The following PLCG2 variants were observed in gnomAD, a reference collection of about 807,000 sequenced individuals.
PLCG2 encodes phospholipase C gamma 2.
A neutral mutation model predicts 175.6 loss-of-function variants in PLCG2; 69 were observed. That is an observed-to-expected ratio of 0.39 (90% CI 0.32 to 0.48). PLCG2 has a LOEUF of 0.48. PLCG2 is among the 20% of genes least tolerant of loss of function. The pLI is 0.91. For synonymous variants in PLCG2, 827 were observed against 624.0 expected (o/e 1.33, Z -4.85); for missense variants, 1,798 against 1,650.9 (o/e 1.09, Z -1.54).
rs1909439451 is a variant in PLCG2, at chr16:81,907,760, G to A, written c.1543G>A (p.Glu515Lys). The change falls in exon 16 of 33, where the codon GAG becomes AAG. Residue 515 changes from glutamate (E) to lysine (K), a missense_variant. By Grantham distance (56) the Glu-to-Lys change is moderately conservative. Coordinates refer to ENST00000564138, the MANE Select transcript of PLCG2 (RefSeq NM_002661.5). ...TGATGACATTGAACAGACTATGGAG[G>A]AGGAAGTGCCCCAGGTAGGGGGACA... ...FSDDIEQTME[E>K]EVPQDIPPTE... The A allele has an allele frequency of 6.2e-7, 1 of 1,613,374 alleles. No homozygotes were observed. Among genetic ancestry groups the A allele is most frequent in the Non-Finnish European group, 8.5e-7 (1 of 1,179,520 alleles).
Position 81,961,598 on chromosome 16 carries a change from C to A in PLCG2, c.*3600C>A, listed in dbSNP as rs993739929. ...GAGAAGTGGTATGAAAATACAAATT[C>A]AAGGAGTAAAAGGAAAAGTGGGGCA... On this transcript the variant is annotated 3_prime_UTR_variant, in exon 33 of 33. Coordinates refer to ENST00000564138, the MANE Select transcript of PLCG2 (RefSeq NM_002661.5). 13 of 215,878 alleles carry A rather than the reference C, an allele frequency of 6.0e-5. No homozygotes were observed. Among genetic ancestry groups the A allele is most frequent in the African/African-American group, 2.9e-4 (13 of 44,364 alleles). The allele number at this position is 215,878 out of a possible 1,614,324, so 13.4% of individuals were successfully genotyped here.
chr16:81,898,905 C>A (rs1166671778), intron 13 of PLCG2, among the ~76,000 whole-genome samples: 1 of 152,132 alleles, frequency 6.6e-6, no homozygotes, highest in Non-Finnish European at 1.5e-5. Context: ...CAAATATAGG[C>A]TGGGCACAGT....
At position 81,956,848 on chromosome 16, in the gene PLCG2, C is replaced by T; in HGVS notation, c.3724C>T (p.Leu1242Phe). 1.2e-6 allele frequency: 2 copies of T among 1,614,022 alleles called. No individual in the cohort carries two copies. Among genetic ancestry groups the T allele is most frequent in the Non-Finnish European group, 1.7e-6 (2 of 1,179,912 alleles). ...VKEFSVNENQ[L>F]QLYQEKCNKR... Reference sequence around the variant, plus strand: ...AGAGTTCAGTGTTAATGAGAACCAGCTCCAGCTGTACCAGGAGAAATGCAA... The same window carrying T: ...AGAGTTCAGTGTTAATGAGAACCAGTTCCAGCTGTACCAGGAGAAATGCAA... Residue 1242 changes from leucine to phenylalanine, a missense_variant, in exon 32 of 33, where the codon CTC becomes TTC. Leu to Phe is a conservative substitution (Grantham distance 22). Coordinates refer to ENST00000564138, the MANE Select transcript of PLCG2 (RefSeq NM_002661.5).
chr16:81,778,039 A>ACAAAAC (rs777309038), upstream of PLCG2, among the ~76,000 whole-genome samples: 656 of 80,252 alleles, frequency 8.2e-3, 42 homozygotes, highest in East Asian at 0.016. Flanking sequence ...AAACAAAAAA[A>ACAAAAC]AAACAAAAAA....
chr16:81,905,527 C>G lies in PLCG2; in HGVS notation c.1467+20C>G, dbSNP rs370477719. The G allele has an allele frequency of 1.3e-6, 2 of 1,559,132 alleles. No individual in the cohort carries two copies. Among genetic ancestry groups the G allele is most frequent in the Non-Finnish European group, 1.8e-6 (2 of 1,130,348 alleles). ...GACCAGGTGGGCCTTGGTCCCTTCC[C>G]GTAGCCACTGCGGCCACGCCCCTTG... On this transcript the variant is annotated intron_variant, in intron 15 of 32. Transcript: ENST00000564138.
chr16:81,868,694 A>C (rs952804531), intron 5 of PLCG2, among the ~76,000 whole-genome samples: 1 of 152,212 alleles, frequency 6.6e-6, no homozygotes, highest in African/African-American at 2.4e-5. Flanking sequence ...TCATGTCAAC[A>C]CCTATATTGG....
intron 9 of PLCG2, among the ~76,000 whole-genome samples, chr16:81,888,205 G>T (rs1398909765): frequency 1.3e-5 from 2 of 152,126 alleles, no homozygotes; most frequent in African/African-American, 4.8e-5. Flanking sequence ...AAGCTGCCAC[G>T]GTCAGAGTAC....
chr16:81,807,475 A>G (rs1299350103), intron 2 of PLCG2, among the ~76,000 whole-genome samples: 1 of 152,222 alleles, frequency 6.6e-6, no homozygotes, highest in Admixed American at 6.5e-5. Context: ...AAGCCCCCAC[A>G]TCGTCATCAT....
At chr16:81,842,005 G>C in intron 2 of PLCG2, among the ~76,000 whole-genome samples, 1 of 152,182 alleles carries the variant, frequency 6.6e-6, no homozygotes, top group Middle Eastern at 3.2e-3. Context: ...AGCCCTCCTG[G>C]GGCCACGTGA....
intron 2 of PLCG2, among the ~76,000 whole-genome samples, chr16:81,809,494 C>T (rs1167111714): frequency 6.6e-6 from 1 of 152,170 alleles, no homozygotes; most frequent in Non-Finnish European, 1.5e-5. Flanking sequence ...CCCTGTCCAC[C>T]ACCCCATTCC....
At chr16:81,815,998 G>A (rs575472740) in intron 2 of PLCG2, among the ~76,000 whole-genome samples, 1 of 151,418 alleles carries the variant, frequency 6.6e-6, no homozygotes, top group African/African-American at 2.4e-5. Flanking sequence ...GGAGGTGGAG[G>A]TTGCGGTGAG....
chr16:81,908,950 T>C (rs917549425), intron 17 of PLCG2, among the ~76,000 whole-genome samples: 2 of 152,236 alleles, frequency 1.3e-5, no homozygotes, highest in Non-Finnish European at 2.9e-5. Flanking sequence ...CATGTGGCTC[T>C]GGATGATTCA....
chr16:81,924,207 A>G (rs967134855), intron 22 of PLCG2, among the ~76,000 whole-genome samples: 1 of 152,220 alleles, frequency 6.6e-6, no homozygotes, highest in Non-Finnish European at 1.5e-5. Flanking sequence ...GCCCACTGAT[A>G]GGTTTCTGGG....
intron 2 of PLCG2, among the ~76,000 whole-genome samples, chr16:81,804,591 A>C (rs932320355): frequency 6.6e-6 from 1 of 152,192 alleles, no homozygotes; most frequent in African/African-American, 2.4e-5. Flanking sequence ...TGAAGTTAGT[A>C]ACCTGTCTTA....
At chr16:81,902,123 C>T (rs1047658213) in intron 14 of PLCG2, among the ~76,000 whole-genome samples, 8 of 152,350 alleles carry the variant, frequency 5.3e-5, no homozygotes, top group African/African-American at 1.9e-4. Flanking sequence ...CTTTTCTCTA[C>T]TGTTCTGTGC....
At chr16:81,866,582 T>G (rs1200366525) in intron 5 of PLCG2, among the ~76,000 whole-genome samples, 3 of 86,976 alleles carry the variant, frequency 3.4e-5, no homozygotes, top group Non-Finnish European at 8.1e-5. Context: ...TCTCCCTTGC[T>G]CCCAAGATGA....
chr16:81,891,122 C>T (rs1284931237), intron 10 of PLCG2, among the ~76,000 whole-genome samples: 2 of 152,134 alleles, frequency 1.3e-5, no homozygotes, highest in Non-Finnish European at 2.9e-5. Flanking sequence ...GAAATTGTGC[C>T]ACTGCACTCC....
intron 7 of PLCG2, among the ~76,000 whole-genome samples, chr16:81,873,881 G>A (rs1050795464): frequency 6.6e-5 from 10 of 152,180 alleles, no homozygotes; most frequent in African/African-American, 2.2e-4. Context: ...CACATGAGAG[G>A]TATTTCAACC....
chr16:81,933,605 C>T (rs1910593014), intron 25 of PLCG2, among the ~76,000 whole-genome samples: 1 of 151,556 alleles, frequency 6.6e-6, no homozygotes, highest in Non-Finnish European at 1.5e-5. Flanking sequence ...GAGTCTCACT[C>T]TGTTGCCCAG....
Sources: gnomAD v4.1 joint callset for allele counts (sites outside exome capture counted in the v4.1 genomes callset) on GRCh38, gnomAD v4.1.1 for gene constraint, MANE v1.5 for transcripts, NCBI Gene and HGNC (gene_info 2026-07-23, HGNC 2026-07-21) for gene names.